PTBP1: variants seen among roughly 807,000 people sequenced by gnomAD.
PTBP1 encodes the protein polypyrimidine tract binding protein 1, also known as polypyrimidine tract-binding protein 1.
Under a neutral mutation model 59.8 loss-of-function variants are expected in PTBP1, and 8 were observed. The ratio of observed to expected loss-of-function variants is 0.13; its 90% confidence interval spans 0.08 to 0.24. The LOEUF (loss-of-function observed/expected upper bound fraction) is 0.24. Ranked by LOEUF, PTBP1 falls within the 10% of genes least tolerant of loss-of-function variation. The probability of loss-of-function intolerance (pLI) is 1.00; values close to 1 mark genes in which losing one functional copy is unlikely to be tolerated. For missense variants in PTBP1, 686 were observed against 767.0 expected (o/e 0.89, Z 1.25); for synonymous variants, 490 against 320.7 (o/e 1.53, Z -5.64).
chr19:805,220 A>C (rs201484845), intron 8 of PTBP1, 33 bp downstream of exon 8: 1 of 1,609,512 alleles, frequency 6.2e-7, no homozygotes, highest in Non-Finnish European at 8.5e-7. Context: ...GCCAGTGTGC[A>C]GAGTGGTCTA....
chr19:803,447 T>C (rs2034425679), intron 2 of PTBP1, 114 bp from the exon 3 acceptor site: 1 of 821,756 alleles, frequency 1.2e-6, no homozygotes, highest in East Asian at 2.4e-5. Flanking sequence ...GGTGTGGGTA[T>C]GGGTTGGGGG....
intron 9 of PTBP1, 177 bp from the exon 10 acceptor site, chr19:806,226 GGAGCC>G: frequency 1.7e-6 from 1 of 581,416 alleles, no homozygotes; most frequent in Non-Finnish European, 2.8e-6. Flanking sequence ...CGCTGGTGCA[GGAGCC>G]GGCGGGTGGC....
intron 13 of PTBP1, among the ~76,000 whole-genome samples, 189 bp from the exon 14 acceptor site, chr19:810,352 TAG>T (rs1449665823): frequency 6.6e-6 from 1 of 152,104 alleles, no homozygotes; most frequent in Non-Finnish European, 1.5e-5. Flanking sequence ...TGCAAACTTG[TAG>T]ATGCCTGGTT....
At chr19:805,903 G>A (rs989168279) in intron 9 of PTBP1, 7 of 369,806 alleles carry the variant, frequency 1.9e-5, no homozygotes, top group Non-Finnish European at 3.0e-5. Flanking sequence ...GAGTGGCCTG[G>A]TAAGCGCGCG....
In PTBP1 at chr19:810,854, CT is replaced by C. The variant is rs1486114266; in HGVS notation, c.*29del. 2 of 1,503,792 alleles carry C rather than the reference CT, an allele frequency of 1.3e-6. No homozygotes were observed. The highest frequency in any genetic ancestry group is 1.4e-5 in the African/African-American group (1 of 70,048). The allele number at this position is 1,503,792 out of a possible 1,614,324, so 93.2% of individuals were successfully genotyped here. The stretch of plus-strand genomic sequence containing the variant: ...GCACAGGCCCCCACGGCCGGGCCCC[CT>C]GGCGACAACTTCCATCATTCCAGAG... On this transcript the variant is annotated 3_prime_UTR_variant, in exon 15 of 15. Coordinates refer to ENST00000356948, the MANE Select transcript of PTBP1 (RefSeq NM_002819.5).
chr19:809,778 C>T (rs1039634744), intron 13 of PTBP1, among the ~76,000 whole-genome samples: 2 of 152,138 alleles, frequency 1.3e-5, no homozygotes, highest in East Asian at 1.9e-4. Context: ...CGTCAGGTCC[C>T]AGCTCTTCCG....
intron 2 of PTBP1, among the ~76,000 whole-genome samples, chr19:801,523 G>A (rs557319413): frequency 1.3e-5 from 2 of 152,344 alleles, no homozygotes; most frequent in Admixed American, 6.5e-5. Flanking sequence ...CAAAGACAGG[G>A]TCCAAGATGC....
At chr19:807,791 T>C in intron 10 of PTBP1, 78 bp from the exon 11 acceptor site, 1 of 1,122,930 alleles carries the variant, frequency 8.9e-7, no homozygotes, top group Non-Finnish European at 1.4e-6. Flanking sequence ...CTTCCTCGTG[T>C]GGACGATTGG....
Position 803,002 on chromosome 19 carries a change from G to C in PTBP1, c.40-559G>C, listed in dbSNP as rs535883388. Among the ~76,000 whole-genome samples the C allele has an allele frequency of 2.9e-3, 442 of 152,356 alleles. 3 individuals carry two copies. Among genetic ancestry groups the C allele is most frequent in the Non-Finnish European group, 3.7e-3 (252 of 68,038 alleles). ...TCCTCAGTCTCGCGTGTGCAGAGAC[G>C]GAGGTCGGGTTTCTTTTCCGGGCTG... On this transcript the variant is annotated intron_variant, in intron 2 of 14. Coordinates refer to ENST00000356948, the MANE Select transcript of PTBP1 (RefSeq NM_002819.5).
At chr19:801,897 C>G (rs933593112) in intron 2 of PTBP1, among the ~76,000 whole-genome samples, 1 of 152,206 alleles carries the variant, frequency 6.6e-6, no homozygotes, top group Non-Finnish European at 1.5e-5. Flanking sequence ...AGCGAGAGGA[C>G]TCGAGGGTCT....
chr19:807,155 C>T (rs115432658), intron 10 of PTBP1: 1 of 152,418 alleles, frequency 6.6e-6, no homozygotes, highest in Non-Finnish European at 1.5e-5. Flanking sequence ...GACGCACTCC[C>T]TGCCTGTGCC....
At chr19:798,514 G>A (rs2034182927) in intron 1 of PTBP1, 1 of 152,290 alleles carries the variant, frequency 6.6e-6, no homozygotes, top group Non-Finnish European at 1.5e-5. Context: ...GCCCTAGAGT[G>A]GGTCTGGACC....
chr19:811,192 C>T lies in PTBP1; in HGVS notation c.*366C>T, dbSNP rs2034848743. The T allele has an allele frequency of 2.3e-5, 4 of 173,166 alleles. No individual in the cohort carries two copies. The South Asian group carries it at 6.2e-4, about 27-fold the overall frequency. The allele number at this position is 173,166 out of a possible 1,614,324, so 10.7% of individuals were successfully genotyped here. A position where few individuals can be genotyped will look rare whatever the true frequency, so the allele number is the denominator to read the frequency against. On this transcript the variant is annotated 3_prime_UTR_variant, in exon 15 of 15. Coordinates refer to ENST00000356948, the MANE Select transcript of PTBP1 (RefSeq NM_002819.5). ...ACCTGCCTTCCTGCAGCCACACACC[C>T]ACCCGGGGTGTCCTGGGGACCCAAG...
chr19:805,652 CCTGGGCGGA>C (rs2034531234), intron 9 of PTBP1, 83 bp downstream of exon 9: 5 of 1,219,634 alleles, frequency 4.1e-6, no homozygotes, highest in South Asian at 3.7e-5. Context: ...ACGGCGGCAG[CCTGGGCGGA>C]CTGGGCACTC....
rs1599223141 is a variant in PTBP1 at position 802,426 on chromosome 19, G to C, written c.40-1135G>C. ...GGTGTGGGGGCAGCTCCTTGACCAG[G>C]CATGGGGGTGTGTGGAGCTGGGGGT... On this transcript the variant is annotated intron_variant, in intron 2 of 14. Transcript: ENST00000356948. 2.0e-5 allele frequency among the ~76,000 whole-genome samples: 3 copies of C among 151,238 alleles called. No individual in the cohort carries two copies. In the South Asian group the frequency reaches 6.3e-4, roughly 32 times the overall value.
chr19:805,297 T>G, intron 8 of PTBP1, 110 bp downstream of exon 8: 1 of 1,342,936 alleles, frequency 7.4e-7, no homozygotes, highest in Non-Finnish European at 1.0e-6. Flanking sequence ...ATGCACCTGC[T>G]GCTCTCTGCA....
chr19:808,489 G>C lies in PTBP1; in HGVS notation c.1246+37G>C. ...GGGCGGCCCCGGGGTGGAGGGGGCAGGGGCGGGGGCTGCGTTCCCTCTCGG... is the reference window on the plus strand; with the variant it reads ...GGGCGGCCCCGGGGTGGAGGGGGCACGGGCGGGGGCTGCGTTCCCTCTCGG... On this transcript the variant is annotated intron_variant, in intron 12 of 14. Coordinates refer to ENST00000356948, the MANE Select transcript of PTBP1 (RefSeq NM_002819.5). This position sits in a 1 kb window ranked among gnomAD's most constrained non-coding sequence, Gnocchi z 4.7. 6.4e-7 allele frequency: 1 copy of C among 1,560,028 alleles called. No individual in the cohort carries two copies.
At chr19:806,725 G>C in intron 10 of PTBP1, 169 bp downstream of exon 10, 1 of 557,228 alleles carries the variant, frequency 1.8e-6, no homozygotes, top group Non-Finnish European at 2.9e-6. Flanking sequence ...GATGGCTTGA[G>C]TTTTCCTCTT....
Position 808,205 on chromosome 19 carries a change from G to C in PTBP1, c.1154-155G>C, listed in dbSNP as rs1383092883. ...TGAACGGAGCTGCTCCTGTTAGCGC[G>C]CCCTGTGGCTGCGAGACGCAGCTCC... On this transcript the variant is annotated intron_variant, in intron 11 of 14. Coordinates refer to ENST00000356948, the MANE Select transcript of PTBP1 (RefSeq NM_002819.5). This position sits in a 1 kb window ranked among gnomAD's most constrained non-coding sequence, Gnocchi z 4.7. 1.5e-6 allele frequency: 1 copy of C among 680,628 alleles called. No individual in the cohort carries two copies. The highest frequency in any genetic ancestry group is 2.6e-6 in the Non-Finnish European group (1 of 386,488). The allele number at this position is 680,628 out of a possible 1,614,324, so 42.2% of individuals were successfully genotyped here.
Sources: gnomAD v4.1 joint callset for allele counts (sites outside exome capture counted in the v4.1 genomes callset) on GRCh38, gnomAD v4.1.1 for gene constraint, Gnocchi (gnomAD v3.1) non-coding constraint, MANE v1.5 for transcripts, NCBI Gene and HGNC (gene_info 2026-07-23, HGNC 2026-07-21) for gene names.